PHC2: variants seen among roughly 807,000 people sequenced by gnomAD.
PHC2 encodes the protein polyhomeotic-like protein 2.
In PHC2, 29 loss-of-function variants were observed where a neutral mutation model predicts 87.4. The observed-to-expected ratio is 0.33, with a 90% CI of 0.25 to 0.45. PHC2 has a LOEUF of 0.45. PHC2 is among the 20% of genes least tolerant of loss of function. The pLI is 1.00. For missense variants in PHC2, 857 were observed against 1,136.7 expected (o/e 0.75, Z 3.54); for synonymous variants, 438 against 461.7 (o/e 0.95, Z 0.66).
chr1:33,387,771 C>A lies in PHC2; in HGVS notation c.-54-12178G>T, dbSNP rs1268576699. On this transcript the variant is annotated intron_variant, in intron 1 of 14. Transcript: ENST00000683057. ...TTACTTGTGCTTATTCCGATCCAGG[C>A]CTCTCTGGGCCAGTCAGTTCTTATG... Among the ~76,000 whole-genome samples the A allele has an allele frequency of 2.0e-5, 3 of 152,328 alleles. No individual in the cohort carries two copies. In the East Asian group the frequency reaches 5.8e-4, roughly 29 times the overall value.
chr1:33,335,242 T>C (rs1233174838), intron 9 of PHC2: 3 of 985,346 alleles, frequency 3.0e-6, no homozygotes, highest in African/African-American at 3.5e-5. Flanking sequence ...CTCATTGTCT[T>C]AGACGTGCAA....
At chr1:33,406,993 G>A (rs1281409793) in intron 1 of PHC2, among the ~76,000 whole-genome samples, 1 of 152,058 alleles carries the variant, frequency 6.6e-6, no homozygotes, top group Non-Finnish European at 1.5e-5. Flanking sequence ...GCTACACTCT[G>A]GATGATTTCT....
chr1:33,331,407 C>A lies in PHC2; in HGVS notation c.1947G>T (p.Val649=), dbSNP rs1334048388. Residue 649 remains valine (V), a synonymous_variant, in exon 12 of 15, where the codon GTG becomes GTT. Coordinates refer to ENST00000683057, the MANE Select transcript of PHC2 (RefSeq NM_001385109.1). The surrounding 1 kb of genome is among the most constrained non-coding windows in gnomAD (Gnocchi z 5.2). ...AACGCTTGAACTTATAGGCAAAGTCCACCCGGCCACAGAGCTCACACTTGA... is the reference window on the plus strand; with the variant it reads ...AACGCTTGAACTTATAGGCAAAGTCAACCCGGCCACAGAGCTCACACTTGA... ...LKLKCELCGR[V]DFAYKFKRSK... 1 of 1,613,312 alleles carries A rather than the reference C, an allele frequency of 6.2e-7. No homozygotes were observed. Among genetic ancestry groups the A allele is most frequent in the South Asian group, 1.1e-5 (1 of 91,042 alleles).
In PHC2 at chr1:33,325,015, G is replaced by A. The variant is rs1423964908; in HGVS notation, c.2430C>T (p.Cys810=). 9 of 1,610,224 alleles carry A rather than the reference G, an allele frequency of 5.6e-6. No homozygotes were observed. The highest frequency in any genetic ancestry group is 2.2e-5 in the East Asian group (1 of 44,778). ...VYEFIRSLPG[C]QEIAEEFRAQ... is the part of the protein sequence containing the mutation. ...CACGGAATTCCTCTGCTATCTCCTG[G>A]CAGCCTGAGGGGGTACCACCAAAGA... The change falls in exon 15 of 15, where the codon TGC becomes TGT. Residue 810 remains cysteine (C), a synonymous_variant. Coordinates refer to ENST00000683057, the MANE Select transcript of PHC2 (RefSeq NM_001385109.1).
chr1:33,346,302 G>A (rs1646843871), intron 9 of PHC2: 2 of 985,412 alleles, frequency 2.0e-6, no homozygotes, highest in Admixed American at 1.2e-4. Flanking sequence ...GTACACAAAA[G>A]CCTCTCTCTA....
At chr1:33,336,076 C>T (rs1646628768) in intron 9 of PHC2, among the ~76,000 whole-genome samples, 1 of 151,756 alleles carries the variant, frequency 6.6e-6, no homozygotes, top group Non-Finnish European at 1.5e-5. Context: ...GCAACCTCTG[C>T]CTCTCAGGTT....
In PHC2 at chr1:33,349,935, CGGGGGCGGGGCGA is replaced by C; in HGVS notation, c.1558+4453_1558+4465del. ...GGACGGCTCCCGCGGCCGCCTCCGCCGGGGGCGGGGCGAGGGAGCGGGGCGGGGAGGGGCGGGG... is the reference window on the plus strand; with the variant it reads ...GGACGGCTCCCGCGGCCGCCTCCGCCGGGAGCGGGGCGGGGAGGGGCGGGG... On this transcript the variant is annotated intron_variant, in intron 9 of 14. Transcript: ENST00000683057. The surrounding 1 kb of genome is among the most constrained non-coding windows in gnomAD (Gnocchi z 4.2). 2.7e-6 allele frequency: 1 copy of C among 371,550 alleles called. No individual in the cohort carries two copies. The highest frequency in any genetic ancestry group is 3.5e-6 in the Non-Finnish European group (1 of 284,638). The allele number at this position is 371,550 out of a possible 1,614,324, so 23.0% of individuals were successfully genotyped here.
At chr1:33,394,466 A>G (rs965235433) in intron 1 of PHC2, among the ~76,000 whole-genome samples, 1 of 152,238 alleles carries the variant, frequency 6.6e-6, no homozygotes, top group African/African-American at 2.4e-5. Flanking sequence ...TCAGAACCAC[A>G]GCAGTGCATG....
intron 1 of PHC2, among the ~76,000 whole-genome samples, chr1:33,426,780 C>T (rs1037357095): frequency 1.1e-4 from 17 of 152,190 alleles, no homozygotes; most frequent in African/African-American, 4.1e-4. Flanking sequence ...CCAAAGGCCA[C>T]AGCACAAAAT....
rs1646511331 is a variant in PHC2, at chr1:33,332,075, T to C, written c.1891+200A>G. On this transcript the variant is annotated intron_variant, in intron 11 of 14. Coordinates refer to ENST00000683057, the MANE Select transcript of PHC2 (RefSeq NM_001385109.1). The surrounding 1 kb of genome is among the most constrained non-coding windows in gnomAD (Gnocchi z 4.2). ...ATCCTGTGGTTGGCTGGAGGGGGATTGGGGGAGCAGAGGACACATGGTTCC... is the reference window on the plus strand; with the variant it reads ...ATCCTGTGGTTGGCTGGAGGGGGATCGGGGGAGCAGAGGACACATGGTTCC... Among the ~76,000 whole-genome samples the C allele has an allele frequency of 1.3e-5, 2 of 152,128 alleles. No individual in the cohort carries two copies. Among genetic ancestry groups the C allele is most frequent in the African/African-American group, 2.4e-5 (1 of 41,434 alleles).
intron 1 of PHC2, among the ~76,000 whole-genome samples, chr1:33,381,703 G>A (rs927205084): frequency 6.7e-5 from 10 of 149,946 alleles, no homozygotes; most frequent in Admixed American, 2.0e-4. Flanking sequence ...GGTGAAGTCC[G>A]TGTCAAAGCA....
chr1:33,401,162 T>C (rs946182712), intron 1 of PHC2, among the ~76,000 whole-genome samples: 1 of 151,950 alleles, frequency 6.6e-6, no homozygotes, highest in Non-Finnish European at 1.5e-5. Context: ...CCGTCTCCAC[T>C]AAAAATACAA....
intron 9 of PHC2, among the ~76,000 whole-genome samples, chr1:33,335,996 GTT>G (rs200111745): frequency 1.2e-3 from 174 of 146,584 alleles, no homozygotes; most frequent in African/African-American, 3.4e-3. Context: ...TGTTGTTGTT[GTT>G]TTTTTTTTTA....
At chr1:33,346,985 T>C (rs1176179545) in intron 9 of PHC2, 4 of 985,254 alleles carry the variant, frequency 4.1e-6, no homozygotes, top group Non-Finnish European at 4.8e-6. Flanking sequence ...TAAGAAGAGT[T>C]CAATTGTGTA....
chr1:33,390,219 T>C (rs1253057518), intron 1 of PHC2, among the ~76,000 whole-genome samples: 1 of 152,180 alleles, frequency 6.6e-6, no homozygotes, highest in Non-Finnish European at 1.5e-5. Context: ...TAGCATATAA[T>C]TCTGTGAAAA....
chr1:33,343,762 C>T (rs1034580375), intron 9 of PHC2, among the ~76,000 whole-genome samples: 5 of 152,152 alleles, frequency 3.3e-5, no homozygotes, highest in South Asian at 2.1e-4. Flanking sequence ...CTAATCTTTC[C>T]GTGGCCCAAA....
chr1:33,417,159 G>A (rs1241451718), intron 1 of PHC2, among the ~76,000 whole-genome samples: 1 of 151,556 alleles, frequency 6.6e-6, no homozygotes, highest in Non-Finnish European at 1.5e-5. Flanking sequence ...CAATAACAAG[G>A]ACAATATGGG....
At chr1:33,367,521 G>A (rs762389472) in intron 6 of PHC2, 93 bp from the exon 7 acceptor site, 7 of 988,974 alleles carry the variant, frequency 7.1e-6, no homozygotes, top group Non-Finnish European at 1.1e-5. Flanking sequence ...TCCAGGAATG[G>A]CTGAATAGAA....
intron 7 of PHC2, among the ~76,000 whole-genome samples, chr1:33,365,042 G>T (rs935089455): frequency 6.6e-6 from 1 of 152,206 alleles, no homozygotes; most frequent in Admixed American, 6.5e-5. Flanking sequence ...TGAGAGGGAC[G>T]ATCTGGCTTG....
Sources: gnomAD v4.1 joint callset for allele counts (sites outside exome capture counted in the v4.1 genomes callset) on GRCh38, gnomAD v4.1.1 for gene constraint, Gnocchi (gnomAD v3.1) non-coding constraint, MANE v1.5 for transcripts, NCBI Gene and HGNC (gene_info 2026-07-23, HGNC 2026-07-21) for gene names.